Variants in CALN1 observed in about 807,000 individuals in gnomAD.
CALN1 encodes calneuron 1.
Under a neutral mutation model 30.6 loss-of-function variants are expected in CALN1, and 17 were observed. The ratio of observed to expected loss-of-function variants is 0.56; its 90% CI spans 0.38 to 0.83. The LOEUF is 0.83. Ranked by LOEUF, CALN1 falls within the 40% of genes least tolerant of loss-of-function variation. CALN1 has a pLI of 0.00. For synonymous variants in CALN1, 156 were observed against 131.4 expected (o/e 1.19, Z -1.28); for missense variants, 291 against 354.9 (o/e 0.82, Z 1.45).
chr7:72,226,993 A>G (rs1585211716), intron 3 of CALN1, among the ~76,000 whole-genome samples: 1 of 151,992 alleles, frequency 6.6e-6, no homozygotes, highest in African/African-American at 2.4e-5. Context: ...CTGAGATTAC[A>G]CCACTGCACT....
At chr7:72,421,297 A>G (rs190707506) in intron 1 of CALN1, among the ~76,000 whole-genome samples, 2 of 152,240 alleles carry the variant, frequency 1.3e-5, no homozygotes, top group African/African-American at 4.8e-5. Flanking sequence ...CCCACAGTCC[A>G]TTAGATCGCT....
At chr7:72,054,023 A>C (rs2129536453) in intron 4 of CALN1, among the ~76,000 whole-genome samples, 1 of 152,066 alleles carries the variant, frequency 6.6e-6, no homozygotes, top group East Asian at 1.9e-4. Flanking sequence ...ATATACCACA[A>C]TTTCTTTATC....
At chr7:72,018,159 C>G (rs189682484) in intron 5 of CALN1, among the ~76,000 whole-genome samples, 2 of 152,214 alleles carry the variant, frequency 1.3e-5, no homozygotes, top group East Asian at 3.9e-4. Flanking sequence ...AGGGCTCTTT[C>G]CTCTGCCACT....
chr7:71,863,214 G>A (rs1211537700), intron 5 of CALN1, among the ~76,000 whole-genome samples: 3 of 151,862 alleles, frequency 2.0e-5, no homozygotes, highest in East Asian at 1.9e-4. Context: ...AGCCATGATC[G>A]CACCACTGCA....
chr7:72,347,987 C>G (rs1362809315), intron 2 of CALN1, among the ~76,000 whole-genome samples: 1 of 152,000 alleles, frequency 6.6e-6, no homozygotes, highest in Non-Finnish European at 1.5e-5. Context: ...AAAAATTATC[C>G]AGGCATGGTA....
intron 4 of CALN1, among the ~76,000 whole-genome samples, chr7:72,089,376 A>G (rs1163666490): frequency 1.3e-5 from 2 of 152,174 alleles, no homozygotes; most frequent in African/African-American, 4.8e-5. Flanking sequence ...ACAAAATAAT[A>G]ACTTCATACT....
At chr7:72,114,309 G>GAAGGGAAGGGAAGGGAAGGGAAGGC (rs1350961654) in intron 3 of CALN1, among the ~76,000 whole-genome samples, 25 of 97,982 alleles carry the variant, frequency 2.6e-4, no homozygotes, top group African/African-American at 7.2e-4. Context: ...GAAGGGAAGG[G>GAAGGGAAGGGAAGGGAAGGGAAGGC]AAGGCAACAC....
intron 2 of CALN1, among the ~76,000 whole-genome samples, chr7:72,392,843 A>T (rs531530468): frequency 5.7e-4 from 86 of 151,562 alleles, no homozygotes; most frequent in African/African-American, 2.0e-3. Context: ...ATTAAAAAAA[A>T]AATTAATTAG....
chr7:72,340,718 A>T (rs570333076), intron 2 of CALN1, among the ~76,000 whole-genome samples: 26 of 152,180 alleles, frequency 1.7e-4, no homozygotes, highest in African/African-American at 4.8e-4. Flanking sequence ...CCCCTCCCAA[A>T]TCACATACTG....
intron 5 of CALN1, among the ~76,000 whole-genome samples, chr7:71,991,131 A>G (rs973000465): frequency 6.6e-6 from 1 of 152,124 alleles, no homozygotes; most frequent in Non-Finnish European, 1.5e-5. Context: ...AAGGCTGAGT[A>G]AGAACAAAAC....
intron 5 of CALN1, among the ~76,000 whole-genome samples, chr7:71,828,342 C>T (rs1405573398): frequency 6.6e-6 from 1 of 152,120 alleles, no homozygotes; most frequent in Non-Finnish European, 1.5e-5. Context: ...CAAAGATATC[C>T]ACATCCTAAT....
At chr7:71,993,800 T>C (rs1446356838) in intron 5 of CALN1, among the ~76,000 whole-genome samples, 1 of 151,006 alleles carries the variant, frequency 6.6e-6, no homozygotes, top group Non-Finnish European at 1.5e-5. Flanking sequence ...ACACAAAAAT[T>C]CCATCATCAT....
intron 2 of CALN1, among the ~76,000 whole-genome samples, chr7:72,351,716 T>C (rs1320863937): frequency 2.0e-5 from 3 of 151,616 alleles, no homozygotes; most frequent in Non-Finnish European, 4.4e-5. Flanking sequence ...AGAGAATAAA[T>C]ACAATATTTG....
intron 3 of CALN1, among the ~76,000 whole-genome samples, chr7:72,226,907 C>T (rs938485228): frequency 6.6e-6 from 1 of 151,944 alleles, no homozygotes; most frequent in Admixed American, 6.6e-5. Flanking sequence ...CATGATGGCG[C>T]ATGTCTATAG....
intron 3 of CALN1, among the ~76,000 whole-genome samples, chr7:72,229,650 G>A (rs1311105055): frequency 6.6e-6 from 1 of 151,910 alleles, no homozygotes; most frequent in Non-Finnish European, 1.5e-5. Flanking sequence ...GATGAAGCTG[G>A]AAACCATCAT....
chr7:71,901,632 T>A (rs1217182269), intron 5 of CALN1, among the ~76,000 whole-genome samples: 1 of 152,112 alleles, frequency 6.6e-6, no homozygotes, highest in Non-Finnish European at 1.5e-5. Flanking sequence ...TAAAGCCAAC[T>A]GATTTTTGAC....
chr7:72,344,943 A>C (rs981441825), intron 2 of CALN1, among the ~76,000 whole-genome samples: 1 of 147,524 alleles, frequency 6.8e-6, no homozygotes, highest in Non-Finnish European at 1.5e-5. Flanking sequence ...TTCATATATG[A>C]ATTGTTTTAT....
At chr7:72,391,219 G>C (rs1222257946) in intron 2 of CALN1, among the ~76,000 whole-genome samples, 1 of 152,298 alleles carries the variant, frequency 6.6e-6, no homozygotes, top group South Asian at 2.1e-4. Context: ...TAGATCCAGA[G>C]TCCCAGATGT....
chr7:72,200,043 A>C (rs1791313543), intron 3 of CALN1, among the ~76,000 whole-genome samples: 1 of 152,174 alleles, frequency 6.6e-6, no homozygotes. Context: ...TGGACTTTGC[A>C]GCTTCTATGG....
Sources: gnomAD v4.1 joint callset for allele counts (sites outside exome capture counted in the v4.1 genomes callset) on GRCh38, gnomAD v4.1.1 for gene constraint, MANE v1.5 for transcripts, NCBI Gene and HGNC (gene_info 2026-07-23, HGNC 2026-07-21) for gene names.